The following CSRNP3 variants were observed in gnomAD, a reference collection of about 807,000 sequenced individuals.
CSRNP3 encodes the protein cysteine and serine rich nuclear protein 3.
A neutral mutation model predicts 48.0 loss-of-function variants in CSRNP3; 12 were observed. The ratio of observed to expected loss-of-function variants is 0.25; its 90% confidence interval spans 0.16 to 0.41. The LOEUF is 0.41. Among genes scored for constraint, CSRNP3 ranks in the 10% least tolerant of loss-of-function variants. The probability of loss-of-function intolerance (pLI) is 1.00; values close to 1 mark genes in which losing one functional copy is unlikely to be tolerated. For missense variants in CSRNP3, 580 were observed against 724.4 expected (o/e 0.80, Z 2.29); for synonymous variants, 263 against 269.7 (o/e 0.98, Z 0.24).
chr2:165,637,134 T>C (rs113199929), intron 4 of CSRNP3, among the ~76,000 whole-genome samples: 1 of 152,218 alleles, frequency 6.6e-6, no homozygotes, highest in Non-Finnish European at 1.5e-5. Flanking sequence ...GATTCTAGGT[T>C]GATTCAACAA....
At chr2:165,599,375 T>TTTTG (rs10686079) in intron 4 of CSRNP3, among the ~76,000 whole-genome samples, 74,263 of 150,674 alleles carry the variant, frequency 0.49, 18,415 homozygotes, top group Middle Eastern at 0.54. Context: ...TCTGAGGTTT[T>TTTTG]TTTGTTTGTT....
chr2:165,643,965 C>T (rs1686770683), intron 4 of CSRNP3, among the ~76,000 whole-genome samples: 1 of 152,178 alleles, frequency 6.6e-6, no homozygotes, highest in Non-Finnish European at 1.5e-5. Context: ...AAAACCATCA[C>T]TAATTGACTG....
chr2:165,561,881 G>C (rs1354532245), intron 3 of CSRNP3, among the ~76,000 whole-genome samples: 2 of 151,966 alleles, frequency 1.3e-5, no homozygotes, highest in Admixed American at 6.6e-5. Flanking sequence ...GTCTTAATAA[G>C]TATTTATTAT....
chr2:165,521,656 G>A (rs1350662861), intron 3 of CSRNP3, among the ~76,000 whole-genome samples: 1 of 151,966 alleles, frequency 6.6e-6, no homozygotes, highest in Non-Finnish European at 1.5e-5. Context: ...TTCTTCCATC[G>A]TTCTGGCAAA....
intron 4 of CSRNP3, among the ~76,000 whole-genome samples, chr2:165,624,384 G>A (rs141530830): frequency 2.6e-5 from 4 of 152,268 alleles, no homozygotes; most frequent in Admixed American, 6.5e-5. Context: ...CTTCCGTCAG[G>A]CCAGTCCTTT....
At chr2:165,527,332 G>A (rs545375313) in intron 3 of CSRNP3, among the ~76,000 whole-genome samples, 5 of 149,340 alleles carry the variant, frequency 3.3e-5, no homozygotes, top group East Asian at 2.0e-4. Flanking sequence ...TCAGCCTCCC[G>A]AGTAGCTGGG....
At chr2:165,628,521 C>T (rs541244619) in intron 4 of CSRNP3, among the ~76,000 whole-genome samples, 6 of 151,952 alleles carry the variant, frequency 3.9e-5, no homozygotes, top group African/African-American at 1.4e-4. Context: ...GTCAGGAGTT[C>T]AAGACCAGCC....
intron 3 of CSRNP3, among the ~76,000 whole-genome samples, chr2:165,543,809 C>A (rs1218121118): frequency 6.6e-6 from 1 of 151,830 alleles, no homozygotes; most frequent in African/African-American, 2.4e-5. Flanking sequence ...TTTGAAGTTG[C>A]AATAAAATCA....
intron 1 of CSRNP3, among the ~76,000 whole-genome samples, chr2:165,480,045 G>A (rs766993954): frequency 7.9e-5 from 12 of 152,108 alleles, no homozygotes; most frequent in Non-Finnish European, 1.6e-4. Context: ...TCTGCTCCTT[G>A]GGCTGATAGA....
At chr2:165,603,087 G>C (rs1037278550) in intron 4 of CSRNP3, among the ~76,000 whole-genome samples, 4 of 151,856 alleles carry the variant, frequency 2.6e-5, no homozygotes, top group African/African-American at 9.7e-5. Context: ...AGTAGAGACG[G>C]GGCTTCACCG....
chr2:165,663,380 C>T (rs376755937), intron 5 of CSRNP3, among the ~76,000 whole-genome samples: 2 of 152,108 alleles, frequency 1.3e-5, no homozygotes, highest in South Asian at 2.1e-4. Flanking sequence ...TCAGAGCTTC[C>T]GGAATGCATC....
At chr2:165,489,183 A>G (rs1244489440) in intron 1 of CSRNP3, among the ~76,000 whole-genome samples, 1 of 151,442 alleles carries the variant, frequency 6.6e-6, no homozygotes. Flanking sequence ...ACACAAATAA[A>G]CTAGAAAATC....
At chr2:165,511,546 GACA>G (rs1684506076) in intron 2 of CSRNP3, among the ~76,000 whole-genome samples, 2 of 152,254 alleles carry the variant, frequency 1.3e-5, no homozygotes, top group East Asian at 3.9e-4. Context: ...CATGATTGAA[GACA>G]GACTACATGA....
At chr2:165,605,525 T>G (rs1357184222) in intron 4 of CSRNP3, among the ~76,000 whole-genome samples, 2 of 152,048 alleles carry the variant, frequency 1.3e-5, no homozygotes, top group Non-Finnish European at 2.9e-5. Flanking sequence ...AATAGAGCGA[T>G]AGATGAAATG....
chr2:165,615,689 T>C (rs1306596003), intron 4 of CSRNP3, among the ~76,000 whole-genome samples: 1 of 152,118 alleles, frequency 6.6e-6, no homozygotes, highest in Non-Finnish European at 1.5e-5. Flanking sequence ...CTGCATGCTT[T>C]TGTATTCTGT....
chr2:165,613,063 C>T (rs1157094723), intron 4 of CSRNP3, among the ~76,000 whole-genome samples: 1 of 152,058 alleles, frequency 6.6e-6, no homozygotes, highest in African/African-American at 2.4e-5. Flanking sequence ...ACCTTTTCTC[C>T]ACATTTTTTG....
rs528141923 is a variant in CSRNP3 at position 165,532,079 on chromosome 2, C to A, written c.-24+14118C>A. Among the ~76,000 whole-genome samples, 418 of 152,168 alleles carry A rather than the reference C, an allele frequency of 2.7e-3. 1 individual carries two copies. Among genetic ancestry groups the A allele is most frequent in the Admixed American group, 4.9e-3 (75 of 15,284 alleles). On this transcript the variant is annotated intron_variant, in intron 3 of 6. Coordinates refer to ENST00000651982, the MANE Select transcript of CSRNP3 (RefSeq NM_001172173.2). ...GAGGCAACAATCAATAGCTTACCAA[C>A]CAAAAAAAGTCCAGGACCAGATGGA...
At chr2:165,623,653 CTG>C (rs1686380383) in intron 4 of CSRNP3, among the ~76,000 whole-genome samples, 1 of 152,196 alleles carries the variant, frequency 6.6e-6, no homozygotes, top group Non-Finnish European at 1.5e-5. Flanking sequence ...TAAGGGAACA[CTG>C]TAATCATGCT....
Position 165,679,918 on chromosome 2 carries a change from CA to C in CSRNP3, c.*166del. The C allele has an allele frequency of 1.1e-6, 1 of 924,254 alleles. No individual in the cohort carries two copies. Among genetic ancestry groups the C allele is most frequent in the Non-Finnish European group, 1.6e-6 (1 of 616,104 alleles). The allele number at this position is 924,254 out of a possible 1,614,324, so 57.3% of individuals were successfully genotyped here. A position where few individuals can be genotyped will look rare whatever the true frequency, so the allele number is the denominator to read the frequency against. ...TTCCTTTCTAGCCACATGACTGTGG[CA>C]TTGCACAAATACAGTCTCTGTAGGG... On this transcript the variant is annotated 3_prime_UTR_variant, in exon 7 of 7. Coordinates refer to ENST00000651982, the MANE Select transcript of CSRNP3 (RefSeq NM_001172173.2).
Sources: gnomAD v4.1 joint callset for allele counts (sites outside exome capture counted in the v4.1 genomes callset) on GRCh38, gnomAD v4.1.1 for gene constraint, MANE v1.5 for transcripts, NCBI Gene and HGNC (gene_info 2026-07-23, HGNC 2026-07-21) for gene names.